CDH23: variants seen among roughly 807,000 people sequenced by gnomAD.
CDH23 encodes cadherin-23.
Under a neutral mutation model 317.1 loss-of-function variants are expected in CDH23, and 189 were observed. That is an observed-to-expected ratio of 0.60 (90% confidence interval 0.53 to 0.67). The LOEUF (loss-of-function observed/expected upper bound fraction) is 0.67. CDH23 is among the 30% of genes least tolerant of loss of function. The pLI, the probability that CDH23 is intolerant of heterozygous loss-of-function variation, is 0.00. For synonymous variants in CDH23, 1,839 were observed against 1,876.8 expected, an observed-to-expected ratio of 0.98 and a Z score of 0.52; for missense variants, 4,401 against 4,592.4, an observed-to-expected ratio of 0.96 and a Z score of 1.20.
At chr10:71,578,941 A>G (rs1414806657) in intron 9 of CDH23, among the ~76,000 whole-genome samples, 3 of 152,250 alleles carry the variant, frequency 2.0e-5, no homozygotes, top group African/African-American at 7.2e-5. Context: ...ACAGCAAAGC[A>G]TAGTGATCAA....
chr10:71,774,153 C>T (rs1439731754), intron 38 of CDH23, among the ~76,000 whole-genome samples: 1 of 152,064 alleles, frequency 6.6e-6, no homozygotes, highest in Non-Finnish European at 1.5e-5. Flanking sequence ...CACAGATATG[C>T]AGGCAACACC....
chr10:71,790,216 G>A, intron 45 of CDH23, 72 bp from the exon 46 acceptor site: 1 of 1,577,390 alleles, frequency 6.3e-7, no homozygotes, highest in South Asian at 1.2e-5. Context: ...TGGCTCACCG[G>A]GACAGGGCAG....
intron 6 of CDH23, among the ~76,000 whole-genome samples, chr10:71,544,813 C>T (rs772836911): frequency 5.3e-5 from 8 of 152,182 alleles, no homozygotes; most frequent in Non-Finnish European, 7.3e-5. Flanking sequence ...CAAAGGGAGT[C>T]GGATCATTTT....
chr10:71,582,019 G>T (rs879659658), intron 9 of CDH23, among the ~76,000 whole-genome samples: 1 of 152,210 alleles, frequency 6.6e-6, no homozygotes, highest in African/African-American at 2.4e-5. Flanking sequence ...GTCCTCGCCC[G>T]TGGAACCAGG....
At chr10:71,563,126 G>A (rs575238705) in intron 6 of CDH23, among the ~76,000 whole-genome samples, 11 of 152,084 alleles carry the variant, frequency 7.2e-5, no homozygotes, top group Non-Finnish European at 8.8e-5. Context: ...AGAGCACTCC[G>A]TATGAGTCAA....
chr10:71,521,809 C>T (rs1402335523), intron 6 of CDH23, among the ~76,000 whole-genome samples: 1 of 152,214 alleles, frequency 6.6e-6, no homozygotes, highest in Admixed American at 6.5e-5. Flanking sequence ...GCTCCTTATA[C>T]CCACCCATCC....
intron 14 of CDH23, among the ~76,000 whole-genome samples, chr10:71,652,557 G>A (rs764668802): frequency 4.6e-5 from 7 of 152,326 alleles, no homozygotes; most frequent in East Asian, 1.9e-4. Flanking sequence ...CAGCTCTGCC[G>A]CAGTGGACCC....
At chr10:71,788,897 T>C in intron 44 of CDH23, 43 bp from the exon 45 acceptor site, 1 of 1,025,840 alleles carries the variant, frequency 9.7e-7, no homozygotes, top group South Asian at 1.3e-5. Flanking sequence ...GGGGGCACTT[T>C]GCTGAGCATG....
intron 48 of CDH23, chr10:71,796,833 T>G: frequency 2.9e-6 from 1 of 347,760 alleles, no homozygotes; most frequent in Non-Finnish European, 5.5e-6. Flanking sequence ...GGTAGTGTAA[T>G]TATCTAGTTT....
At chr10:71,767,873 G>A (rs1056014264) in intron 38 of CDH23, among the ~76,000 whole-genome samples, 7 of 152,208 alleles carry the variant, frequency 4.6e-5, no homozygotes, top group African/African-American at 1.7e-4. Context: ...CCTTGGGAAA[G>A]CCTCCGTGCA....
At chr10:71,759,936 T>C (rs199693881) in intron 38 of CDH23, among the ~76,000 whole-genome samples, 2,110 of 52,948 alleles carry the variant, frequency 0.04, 213 homozygotes, top group Non-Finnish European at 0.076. Flanking sequence ...CACACATATA[T>C]ACACACACAC....
chr10:71,763,598 G>A (rs936655687), intron 38 of CDH23, among the ~76,000 whole-genome samples: 1 of 152,196 alleles, frequency 6.6e-6, no homozygotes, highest in Non-Finnish European at 1.5e-5. Context: ...AGCCTGTACT[G>A]GACCAGTAGC....
chr10:71,519,080 C>T (rs1229207517), intron 6 of CDH23, among the ~76,000 whole-genome samples: 3 of 151,762 alleles, frequency 2.0e-5, no homozygotes, highest in Admixed American at 6.5e-5. Context: ...TCAGTTTCCT[C>T]GCCGATTCTA....
chr10:71,753,788 CACA>C (rs1346642501), intron 38 of CDH23: 4 of 456,416 alleles, frequency 8.8e-6, no homozygotes, highest in Non-Finnish European at 1.8e-5. Flanking sequence ...GGGGGAGGGG[CACA>C]ACAACAGAAC....
chr10:71,785,848 T>A (rs1224305482), intron 44 of CDH23, 110 bp downstream of exon 44: 1 of 753,128 alleles, frequency 1.3e-6, no homozygotes, highest in Non-Finnish European at 2.4e-6. Flanking sequence ...GCACAGGCTT[T>A]GGAGTGAGCA....
At chr10:71,678,597 G>A (rs559704668) in intron 16 of CDH23, among the ~76,000 whole-genome samples, 25 of 152,292 alleles carry the variant, frequency 1.6e-4, no homozygotes, top group Middle Eastern at 3.4e-3. Context: ...ACATGTGCCC[G>A]CCCAGCCTGG....
chr10:71,582,396 AT>A (rs1290855210), intron 9 of CDH23, among the ~76,000 whole-genome samples: 15 of 152,366 alleles, frequency 9.8e-5, no homozygotes, highest in African/African-American at 3.6e-4. Context: ...TTTTATATTG[AT>A]GACATGTTGA....
intron 3 of CDH23, among the ~76,000 whole-genome samples, chr10:71,455,231 C>T (rs2132045359): frequency 6.6e-6 from 1 of 152,150 alleles, no homozygotes; most frequent in East Asian, 1.9e-4. Context: ...ATACCCTTCA[C>T]CCAGCTCCCC....
chr10:71,611,650 A>G (rs190968158), intron 9 of CDH23, among the ~76,000 whole-genome samples: 2 of 152,294 alleles, frequency 1.3e-5, no homozygotes, highest in Admixed American at 6.5e-5. Context: ...AAGTCACTTG[A>G]TCAAGTTCAC....
Sources: gnomAD v4.1 joint callset for allele counts (sites outside exome capture counted in the v4.1 genomes callset) on GRCh38, gnomAD v4.1.1 for gene constraint, MANE v1.5 for transcripts, NCBI Gene and HGNC (gene_info 2026-07-23, HGNC 2026-07-21) for gene names.